The following NRP2 variants were observed in gnomAD, a reference collection of about 807,000 sequenced individuals.
The protein encoded by NRP2 is neuropilin-2.
A neutral mutation model predicts 110.4 loss-of-function variants in NRP2; 52 were observed. The ratio of observed to expected loss-of-function variants is 0.47; its 90% CI spans 0.38 to 0.59. The LOEUF (loss-of-function observed/expected upper bound fraction) is 0.59. Among genes scored for constraint, NRP2 ranks in the 20% least tolerant of loss-of-function variants. NRP2 has a pLI of 0.00. For synonymous variants in NRP2, 508 were observed against 468.9 expected, an observed-to-expected ratio of 1.08 and a Z score of -1.08; for missense variants, 1,049 against 1,203.0, an observed-to-expected ratio of 0.87 and a Z score of 1.89.
intron 4 of NRP2, 42 bp from the exon 5 acceptor site, chr2:205,723,743 C>T: frequency 6.2e-7 from 1 of 1,609,542 alleles, no homozygotes; most frequent in Non-Finnish European, 8.5e-7. Flanking sequence ...CCAAGTTTGA[C>T]ATTTTGATTT....
At chr2:205,788,302 G>A (rs1026695881) in intron 15 of NRP2, among the ~76,000 whole-genome samples, 2 of 152,170 alleles carry the variant, frequency 1.3e-5, no homozygotes, top group African/African-American at 4.8e-5. Flanking sequence ...AGTAGCTACT[G>A]TGCCCACTTG....
In NRP2 at chr2:205,683,178, A is replaced by G. The variant is rs143908828; in HGVS notation, c.-113A>G. On this transcript the variant is annotated 5_prime_UTR_variant, in exon 1 of 17. Coordinates refer to ENST00000357785, the MANE Select transcript of NRP2 (RefSeq NM_003872.3). Reference sequence around the variant, plus strand: ...AGGACTCAGGAGGGAAACGCTGACCATTAGAAACCTCTGCATAAGACGTTG... The same window carrying G: ...AGGACTCAGGAGGGAAACGCTGACCGTTAGAAACCTCTGCATAAGACGTTG... 80 of 786,606 alleles carry G rather than the reference A, an allele frequency of 1.0e-4. No individual in the cohort carries two copies. The East Asian group carries it at 2.2e-3, about 21-fold the overall frequency. The allele number at this position is 786,606 out of a possible 1,614,324, so 48.7% of individuals were successfully genotyped here. A position where few individuals can be genotyped will look rare whatever the true frequency, so the allele number is the denominator to read the frequency against.
intron 15 of NRP2, among the ~76,000 whole-genome samples, chr2:205,769,482 C>T (rs1559359391): frequency 7.1e-6 from 1 of 141,402 alleles, no homozygotes; most frequent in Non-Finnish European, 1.5e-5. Context: ...GTGTTTTCTG[C>T]TGTGTGTGTG....
intron 1 of NRP2, among the ~76,000 whole-genome samples, chr2:205,687,592 G>A (rs897835074): frequency 6.6e-6 from 1 of 152,172 alleles, no homozygotes; most frequent in South Asian, 2.1e-4. Context: ...TTGTGAATGC[G>A]CCAGTGCACA....
intron 1 of NRP2, among the ~76,000 whole-genome samples, chr2:205,685,231 C>G (rs569086305): frequency 1.6e-4 from 24 of 152,310 alleles, no homozygotes; most frequent in African/African-American, 5.5e-4. Context: ...CCCAGAGGCG[C>G]GGAGTTCGGG....
At chr2:205,704,463 T>A (rs1345020345) in intron 2 of NRP2, among the ~76,000 whole-genome samples, 1 of 152,152 alleles carries the variant, frequency 6.6e-6, no homozygotes, top group East Asian at 1.9e-4. Context: ...CAGTAATAAT[T>A]TTCTGTATTG....
intron 15 of NRP2, among the ~76,000 whole-genome samples, chr2:205,786,885 C>T (rs1208675717): frequency 6.6e-6 from 1 of 152,122 alleles, no homozygotes; most frequent in African/African-American, 2.4e-5. Context: ...GTGGTCTTCT[C>T]TTTCTGTGCA....
intron 9 of NRP2, among the ~76,000 whole-genome samples, chr2:205,744,060 C>T (rs958038640): frequency 9.9e-5 from 15 of 152,106 alleles, no homozygotes; most frequent in Admixed American, 7.2e-4. Flanking sequence ...CTTTTTTAAT[C>T]GTTACAACAT....
intron 2 of NRP2, among the ~76,000 whole-genome samples, chr2:205,706,981 T>C (rs916071605): frequency 1.3e-5 from 2 of 152,244 alleles, no homozygotes; most frequent in Admixed American, 6.5e-5. Context: ...CTTCAAGGTC[T>C]GACTCACACA....
intron 15 of NRP2, among the ~76,000 whole-genome samples, chr2:205,787,951 G>A (rs2058253984): frequency 6.6e-6 from 1 of 152,110 alleles, no homozygotes; most frequent in Admixed American, 6.5e-5. Flanking sequence ...AGAAGAGGTT[G>A]GGTTTGTGAC....
chr2:205,757,322 A>C (rs1425064826), intron 12 of NRP2, among the ~76,000 whole-genome samples: 1 of 152,158 alleles, frequency 6.6e-6, no homozygotes, highest in African/African-American at 2.4e-5. Context: ...CTATTCCTTC[A>C]AATGTAAGAA....
chr2:205,753,193 C>G (rs2057678896), intron 12 of NRP2, among the ~76,000 whole-genome samples: 1 of 152,082 alleles, frequency 6.6e-6, no homozygotes, highest in Non-Finnish European at 1.5e-5. Flanking sequence ...AGCCTGGAAG[C>G]TGGGAGGGAG....
In NRP2 at chr2:205,697,590, C is replaced by A; in HGVS notation, c.120C>A (p.Ile40=). ...GRLNSKDAGY[I]TSPGYPQDYP... is the part of the protein sequence containing the mutation. ...TGAATTCCAAAGATGCTGGCTATATCACCTCTCCCGGTTACCCCCAGGACT... is the reference window on the plus strand; with the variant it reads ...TGAATTCCAAAGATGCTGGCTATATAACCTCTCCCGGTTACCCCCAGGACT... The change falls in exon 2 of 17, where the codon ATC becomes ATA. Residue 40 remains isoleucine, a synonymous_variant. Transcript: ENST00000357785. 2.5e-6 allele frequency: 4 copies of A among 1,614,042 alleles called. No homozygotes were observed. The highest frequency in any genetic ancestry group is 3.4e-6 in the Non-Finnish European group (4 of 1,180,006).
chr2:205,781,735 C>T (rs1487964292), intron 15 of NRP2, among the ~76,000 whole-genome samples: 1 of 152,080 alleles, frequency 6.6e-6, no homozygotes, highest in African/African-American at 2.4e-5. Flanking sequence ...TAGTGACAGC[C>T]CAAAGAAAAC....
chr2:205,689,809 C>T (rs2056265193), intron 1 of NRP2, among the ~76,000 whole-genome samples: 2 of 152,192 alleles, frequency 1.3e-5, no homozygotes, highest in Admixed American at 6.5e-5. Context: ...GTTTAAGGCG[C>T]TCTCCCGAAT....
At chr2:205,743,723 T>C (rs1438651036) in intron 9 of NRP2, 171 bp downstream of exon 9, 1 of 1,324,878 alleles carries the variant, frequency 7.5e-7, no homozygotes, top group African/African-American at 1.5e-5. Context: ...CTGTGCTAAA[T>C]ACCTTATTTC....
At chr2:205,768,818 A>G (rs2057970387) in intron 15 of NRP2, among the ~76,000 whole-genome samples, 1 of 152,204 alleles carries the variant, frequency 6.6e-6, no homozygotes, top group Non-Finnish European at 1.5e-5. Flanking sequence ...TGGGAAGAAG[A>G]AACCAAGGCT....
intron 15 of NRP2, among the ~76,000 whole-genome samples, chr2:205,780,050 G>C (rs3771002): frequency 0.057 from 8,664 of 152,162 alleles, 417 homozygotes; most frequent in East Asian, 0.23. Flanking sequence ...ACTTTCAAAG[G>C]GCTCCGGGAG....
intron 12 of NRP2, among the ~76,000 whole-genome samples, chr2:205,755,342 C>T (rs1393835075): frequency 6.6e-6 from 1 of 152,186 alleles, no homozygotes. Context: ...AATGTTGTTC[C>T]TCCCTTAAGA....
Sources: gnomAD v4.1 joint callset for allele counts (sites outside exome capture counted in the v4.1 genomes callset) on GRCh38, gnomAD v4.1.1 for gene constraint, MANE v1.5 for transcripts, NCBI Gene and HGNC (gene_info 2026-07-23, HGNC 2026-07-21) for gene names.